ADAMTSL1: variants seen among roughly 807,000 people sequenced by gnomAD.
ADAMTSL1 encodes the protein ADAMTS like 1, also known as ADAMTS-like protein 1.
ADAMTSL1 carries 126 observed loss-of-function variants against 201.8 expected under a neutral mutation model. The observed-to-expected ratio is 0.62, with a 90% CI of 0.54 to 0.72. ADAMTSL1 has a LOEUF of 0.72. Ranked by LOEUF, ADAMTSL1 falls within the 30% of genes least tolerant of loss-of-function variation. ADAMTSL1 has a pLI of 0.00. For missense variants in ADAMTSL1, 2,679 were observed against 2,277.8 expected, an observed-to-expected ratio of 1.18 and a Z score of -3.59; for synonymous variants, 1,121 against 903.4, an observed-to-expected ratio of 1.24 and a Z score of -4.32.
Position 18,662,000 on chromosome 9 carries a change from T to C in ADAMTSL1, c.1012T>C (p.Cys338Arg). Residue 338 changes from cysteine to arginine, a missense_variant, in exon 9 of 29, where the codon TGT (cysteine) becomes CGT (arginine). By Grantham distance (180) the Cys-to-Arg change is radical. Coordinates refer to ENST00000380548, the MANE Select transcript of ADAMTSL1 (RefSeq NM_001040272.6). ...CAACCGTGTGGTTGCTGACCAATACTGTCACTATTACCCAGAGAACATCAA... is the reference window on the plus strand; with the variant it reads ...CAACCGTGTGGTTGCTGACCAATACCGTCACTATTACCCAGAGAACATCAA... ...RSNRVVADQY[C>R]HYYPENIKPK... 1 of 1,614,162 alleles carries C rather than the reference T, an allele frequency of 6.2e-7. No homozygotes were observed. Among genetic ancestry groups the C allele is most frequent in the Non-Finnish European group, 8.5e-7 (1 of 1,179,982 alleles).
chr9:18,348,143 A>T (rs1835806839), intron 2 of ADAMTSL1, among the ~76,000 whole-genome samples: 1 of 152,200 alleles, frequency 6.6e-6, no homozygotes, highest in Admixed American at 6.5e-5. Flanking sequence ...TCTTTTTAGC[A>T]GTGAAAATAG....
chr9:18,510,213 G>C (rs778786453), intron 2 of ADAMTSL1, among the ~76,000 whole-genome samples: 6 of 152,088 alleles, frequency 3.9e-5, no homozygotes, highest in Non-Finnish European at 7.4e-5. Flanking sequence ...TGTAAAGGGA[G>C]GTAGATTACT....
intron 2 of ADAMTSL1, among the ~76,000 whole-genome samples, chr9:18,510,255 A>G (rs935240943): frequency 2.6e-5 from 4 of 152,184 alleles, no homozygotes; most frequent in African/African-American, 9.7e-5. Flanking sequence ...CAACTACTCA[A>G]CTTCTGGAGT....
At chr9:18,823,323 C>T (rs1207723132) in intron 21 of ADAMTSL1, among the ~76,000 whole-genome samples, 1 of 152,146 alleles carries the variant, frequency 6.6e-6, no homozygotes, top group East Asian at 1.9e-4. Flanking sequence ...CTATTCTGAA[C>T]GTTTCCATTT....
At chr9:18,398,737 T>C (rs892531436) in intron 2 of ADAMTSL1, among the ~76,000 whole-genome samples, 1 of 152,184 alleles carries the variant, frequency 6.6e-6, no homozygotes, top group African/African-American at 2.4e-5. Flanking sequence ...GCTGTTTTAA[T>C]AGGAGGTCAC....
chr9:18,761,999 G>GTAGA (rs1182177944), intron 16 of ADAMTSL1, among the ~76,000 whole-genome samples: 2 of 152,208 alleles, frequency 1.3e-5, no homozygotes, highest in Non-Finnish European at 2.9e-5. Context: ...CTGATAAAAG[G>GTAGA]TAGATGATCA....
At chr9:18,857,343 G>T (rs1826924642) in intron 23 of ADAMTSL1, among the ~76,000 whole-genome samples, 1 of 152,180 alleles carries the variant, frequency 6.6e-6, no homozygotes, top group South Asian at 2.1e-4. Context: ...GCATTTAGTT[G>T]TCATGTCCCT....
intron 4 of ADAMTSL1, among the ~76,000 whole-genome samples, chr9:18,597,473 G>A (rs1824343639): frequency 6.6e-6 from 1 of 152,126 alleles, no homozygotes; most frequent in African/African-American, 2.4e-5. Context: ...AAAACTTGAA[G>A]TACAAGGTTT....
chr9:18,217,143 A>G (rs146009616), intron 2 of ADAMTSL1, among the ~76,000 whole-genome samples: 1 of 152,306 alleles, frequency 6.6e-6, no homozygotes, highest in East Asian at 1.9e-4. Context: ...TTATCTCTCT[A>G]GAGAAGCATT....
At chr9:18,450,713 C>G (rs1820371130) in intron 2 of ADAMTSL1, among the ~76,000 whole-genome samples, 2 of 152,108 alleles carry the variant, frequency 1.3e-5, no homozygotes, top group South Asian at 2.1e-4. Flanking sequence ...ACTCCCTTTG[C>G]TTTGTTGTCA....
chr9:17,993,694 A>G (rs1819256793), intron 1 of ADAMTSL1, among the ~76,000 whole-genome samples: 1 of 152,114 alleles, frequency 6.6e-6, no homozygotes, highest in Admixed American at 6.5e-5. Flanking sequence ...GATCCTTCAC[A>G]TTTTTCTAAT....
chr9:18,288,039 G>C (rs1833089447), intron 2 of ADAMTSL1, among the ~76,000 whole-genome samples: 1 of 152,140 alleles, frequency 6.6e-6, no homozygotes, highest in Non-Finnish European at 1.5e-5. Context: ...AAAGAACTGA[G>C]CCTGAGCGGT....
chr9:18,527,201 T>A (rs1354262995), intron 2 of ADAMTSL1, among the ~76,000 whole-genome samples: 2 of 152,202 alleles, frequency 1.3e-5, no homozygotes, highest in East Asian at 3.8e-4. Context: ...AGTCCGTATT[T>A]GAAAAGCTAG....
At chr9:18,132,785 A>G (rs1030530779) in intron 1 of ADAMTSL1, among the ~76,000 whole-genome samples, 1 of 151,994 alleles carries the variant, frequency 6.6e-6, no homozygotes, top group African/African-American at 2.4e-5. Flanking sequence ...ACACAGTCCA[A>G]TTTCCTGCCA....
intron 1 of ADAMTSL1, among the ~76,000 whole-genome samples, chr9:18,484,909 G>A (rs774016763): frequency 2.6e-5 from 4 of 152,154 alleles, no homozygotes; most frequent in Admixed American, 6.5e-5. Flanking sequence ...GGAAAGTAGA[G>A]ACAAGTTTCT....
At chr9:18,817,859 C>T (rs1364656982) in intron 21 of ADAMTSL1, among the ~76,000 whole-genome samples, 1 of 152,120 alleles carries the variant, frequency 6.6e-6, no homozygotes, top group Non-Finnish European at 1.5e-5. Context: ...AGACCAACAG[C>T]AGCGTGGAGC....
At chr9:18,801,453 T>C (rs892483781) in intron 20 of ADAMTSL1, among the ~76,000 whole-genome samples, 11 of 152,318 alleles carry the variant, frequency 7.2e-5, no homozygotes, top group African/African-American at 2.6e-4. Flanking sequence ...CAGGGATTTG[T>C]TGTACAGATT....
At chr9:18,775,690 T>A (rs1820934312) in intron 17 of ADAMTSL1, 53 bp from the exon 18 acceptor site, 2 of 1,583,932 alleles carry the variant, frequency 1.3e-6, no homozygotes, top group Non-Finnish European at 1.7e-6. Flanking sequence ...TATTAAAAAA[T>A]TAGCTTCTAG....
rs182228199 is a variant in ADAMTSL1 at position 18,568,654 on chromosome 9, T to C, written c.238-5376T>C. On this transcript the variant is annotated intron_variant, in intron 3 of 28. Transcript: ENST00000380548. ...GTAACTGTTATGGAGAGTGAGTGATTAGGACAGTGTGGAGGGGCAGTATGG... is the reference window on the plus strand; with the variant it reads ...GTAACTGTTATGGAGAGTGAGTGATCAGGACAGTGTGGAGGGGCAGTATGG... 6.6e-5 allele frequency among the ~76,000 whole-genome samples: 10 copies of C among 152,166 alleles called. No homozygotes were observed. In the East Asian group the frequency reaches 1.9e-3, roughly 29 times the overall value.
Sources: allele counts gnomAD v4.1 joint callset (sites outside exome capture counted in the v4.1 genomes callset), GRCh38; gene constraint gnomAD v4.1.1; transcripts MANE v1.5; gene names NCBI Gene and HGNC (gene_info 2026-07-23, HGNC 2026-07-21).